The following GBF1 variants were observed in gnomAD, a reference collection of about 807,000 sequenced individuals.
GBF1 encodes the protein Golgi-specific brefeldin A-resistance guanine nucleotide exchange factor 1.
A neutral mutation model predicts 210.5 loss-of-function variants in GBF1; 114 were observed. The observed-to-expected ratio is 0.54, with a 90% CI of 0.47 to 0.63. The LOEUF (loss-of-function observed/expected upper bound fraction) is 0.63, where lower values mean the gene tolerates loss of function less well. Among genes scored for constraint, GBF1 ranks in the 30% least tolerant of loss-of-function variants. The probability of loss-of-function intolerance (pLI) is 0.00; values close to 1 mark genes in which losing one functional copy is unlikely to be tolerated. For missense variants in GBF1, 1,851 were observed against 2,357.7 expected, an observed-to-expected ratio of 0.79 and a Z score of 4.45; for synonymous variants, 850 against 889.2, an observed-to-expected ratio of 0.96 and a Z score of 0.78.
rs771272758 is a variant in GBF1, at chr10:102,360,369, G to A, written c.1366G>A (p.Asp456Asn). ...QCQTLLGLIK[D>N]EMCRHLFQLL... Reference sequence around the variant, plus strand: ...CCAGACCCTCTTGGGCCTCATCAAGGATGAGATGTGCCGTCACTTATTCCA... The same window carrying A: ...CCAGACCCTCTTGGGCCTCATCAAGAATGAGATGTGCCGTCACTTATTCCA... The change falls in exon 12 of 40, where the codon GAT becomes AAT. Residue 456 changes from aspartate to asparagine, a missense_variant. Asp to Asn is a conservative substitution (Grantham distance 23). Coordinates refer to ENST00000369983, the MANE Select transcript of GBF1 (RefSeq NM_001377137.1). The A allele has an allele frequency of 3.7e-6, 6 of 1,611,846 alleles. No homozygotes were observed. Among genetic ancestry groups the A allele is most frequent in the Non-Finnish European group, 5.1e-6 (6 of 1,178,086 alleles).
intron 1 of GBF1, among the ~76,000 whole-genome samples, chr10:102,251,729 T>C (rs1216907425): frequency 6.6e-6 from 1 of 152,048 alleles, no homozygotes; most frequent in African/African-American, 2.4e-5. Context: ...AATTTTTCTT[T>C]ATGTTTTGTA....
intron 3 of GBF1, among the ~76,000 whole-genome samples, chr10:102,327,118 C>T (rs199623882): frequency 6.6e-6 from 1 of 152,304 alleles, no homozygotes; most frequent in East Asian, 1.9e-4. Context: ...CCTGGCCAAG[C>T]CTTAGCCTCT....
chr10:102,249,792 A>G (rs1281279205), intron 1 of GBF1, among the ~76,000 whole-genome samples: 3 of 151,628 alleles, frequency 2.0e-5, no homozygotes, highest in African/African-American at 7.3e-5. Flanking sequence ...CCTGGGTTCA[A>G]GCAATTCTCC....
At chr10:102,280,694 C>T (rs1038556047) in intron 3 of GBF1, among the ~76,000 whole-genome samples, 3 of 152,178 alleles carry the variant, frequency 2.0e-5, no homozygotes, top group African/African-American at 7.2e-5. Flanking sequence ...TCACTTTACT[C>T]TGAAGGCTAG....
At chr10:102,267,396 T>C (rs1345026612) in intron 3 of GBF1, among the ~76,000 whole-genome samples, 1 of 152,144 alleles carries the variant, frequency 6.6e-6, no homozygotes, top group Non-Finnish European at 1.5e-5. Context: ...TCCCAGCTAC[T>C]CAGGAGGCTG....
intron 3 of GBF1, among the ~76,000 whole-genome samples, chr10:102,275,011 CTT>C (rs55784094): frequency 4.8e-4 from 60 of 124,764 alleles, no homozygotes; most frequent in Middle Eastern, 8.5e-3. Context: ...CGCGCCAGGA[CTT>C]TTTTTTTTTT....
intron 3 of GBF1, among the ~76,000 whole-genome samples, chr10:102,319,322 C>T (rs2056166784): frequency 1.7e-5 from 2 of 120,142 alleles, no homozygotes; most frequent in Non-Finnish European, 3.9e-5. Context: ...TCCGTCTCAA[C>T]AACAACAACA....
chr10:102,307,755 A>G (rs2078034733), intron 3 of GBF1, among the ~76,000 whole-genome samples: 1 of 152,128 alleles, frequency 6.6e-6, no homozygotes, highest in Admixed American at 6.5e-5. Flanking sequence ...GCGCCATTGC[A>G]CTCCAGCCTG....
At chr10:102,317,342 G>C (rs1032169671) in intron 3 of GBF1, among the ~76,000 whole-genome samples, 1 of 152,098 alleles carries the variant, frequency 6.6e-6, no homozygotes, top group South Asian at 2.1e-4. Flanking sequence ...AAAGATGCTG[G>C]GCATGGTGGC....
intron 3 of GBF1, among the ~76,000 whole-genome samples, chr10:102,328,397 G>C (rs2073773834): frequency 6.6e-6 from 1 of 152,136 alleles, no homozygotes; most frequent in Non-Finnish European, 1.5e-5. Context: ...TACTTGGGAG[G>C]CTGAGGTGGA....
chr10:102,240,211 A>G, the GBF1 span, among the ~76,000 whole-genome samples: 3 of 152,176 alleles, frequency 2.0e-5, no homozygotes, highest in East Asian at 3.9e-4. Context: ...AGGGGCTTGT[A>G]CCCAGCTCCT....
chr10:102,259,113 A>C, intron 2 of GBF1, 79 bp downstream of exon 2: 1 of 784,512 alleles, frequency 1.3e-6, no homozygotes, highest in African/African-American at 1.7e-5. Context: ...GAGTAATCAA[A>C]TTCCTAGTAA....
intron 3 of GBF1, among the ~76,000 whole-genome samples, chr10:102,342,161 CGA>C (rs1270808232): frequency 6.6e-6 from 1 of 151,634 alleles, no homozygotes; most frequent in African/African-American, 2.4e-5. Context: ...CTCAGCCTCC[CGA>C]GTAGCTGGGA....
At position 102,321,112 on chromosome 10, in the gene GBF1, C is replaced by A. The variant is rs2056348559; in HGVS notation, c.164-22939C>A. 2.0e-5 allele frequency among the ~76,000 whole-genome samples: 3 copies of A among 152,072 alleles called. No homozygotes were observed. In the South Asian group the frequency reaches 6.2e-4, roughly 32 times the overall value. On this transcript the variant is annotated intron_variant, in intron 3 of 39. Transcript: ENST00000369983. ...TGCCCAGCCTATATTTAATTCTTAA[C>A]CACTCTGAACACCTTGTATTTCTTC...
chr10:102,232,188 T>C, the GBF1 span: 1 of 723,360 alleles, frequency 1.4e-6, no homozygotes, highest in African/African-American at 1.7e-5. Context: ...CCCTGGCGCC[T>C]TTCTCAACCC....
chr10:102,375,560 G>A lies in GBF1; in HGVS notation c.3862G>A (p.Ala1288Thr). 1 of 1,612,482 alleles carries A rather than the reference G, an allele frequency of 6.2e-7. No homozygotes were observed. Among genetic ancestry groups the A allele is most frequent in the Non-Finnish European group, 8.5e-7 (1 of 1,178,568 alleles). ...GCCTCCAGCTGCTCTGCAGGCCACA[G>A]CCAGGGCAGATGCACCTGATGCCGG... ...VKPPAALQAT[A>T]RADAPDAGAQ... The change falls in exon 30 of 40, where the codon GCC (alanine) becomes ACC (threonine). Residue 1288 changes from alanine to threonine, a missense_variant. Physicochemically the swap from Ala to Thr is moderately conservative, Grantham distance 58. This residue lies in a region of GBF1 where 967 missense variants were observed against 1,247.7 expected (regional missense o/e 0.78). Coordinates refer to ENST00000369983, the MANE Select transcript of GBF1 (RefSeq NM_001377137.1).
At chr10:102,350,939 T>C (rs1458461003) in intron 4 of GBF1, among the ~76,000 whole-genome samples, 1 of 151,854 alleles carries the variant, frequency 6.6e-6, no homozygotes, top group African/African-American at 2.4e-5. Context: ...CAAAAAAAAT[T>C]AGCTGGGCAT....
Position 102,350,849 on chromosome 10 carries a change from C to T in GBF1, c.296-407C>T, listed in dbSNP as rs545439610. On this transcript the variant is annotated intron_variant, in intron 4 of 39. Transcript: ENST00000369983. ...CTGTAATCCCAGCACTTTGGGAGGC[C>T]GAGGCAGGTGGATCACCTGAGGTCA... Among the ~76,000 whole-genome samples, 10 of 151,944 alleles carry T rather than the reference C, an allele frequency of 6.6e-5. No homozygotes were observed. The South Asian group carries it at 1.9e-3, about 28-fold the overall frequency.
chr10:102,359,462 T>C (rs1238824072), intron 11 of GBF1, 27 bp downstream of exon 11: 1 of 1,573,268 alleles, frequency 6.4e-7, no homozygotes, highest in Admixed American at 1.7e-5. Flanking sequence ...GCTCTGCCAA[T>C]TCACCTCCCC....
Sources: gnomAD v4.1 joint callset for allele counts (sites outside exome capture counted in the v4.1 genomes callset) on GRCh38, gnomAD v4.1.1 for gene constraint, gnomAD v4.1.1 regional missense constraint, MANE v1.5 for transcripts, NCBI Gene and HGNC (gene_info 2026-07-23, HGNC 2026-07-21) for gene names.